MYO1E: variants seen among roughly 807,000 people sequenced by gnomAD.
The protein encoded by MYO1E is unconventional myosin-Ie.
Under a neutral mutation model 151.1 loss-of-function variants are expected in MYO1E, and 68 were observed. That is an observed-to-expected ratio of 0.45 (90% confidence interval 0.37 to 0.55). The LOEUF (loss-of-function observed/expected upper bound fraction) is 0.55. Among genes scored for constraint, MYO1E ranks in the 20% least tolerant of loss-of-function variants. The pLI, the probability that MYO1E is intolerant of heterozygous loss-of-function variation, is 0.00. For synonymous variants in MYO1E, 601 were observed against 501.7 expected (o/e 1.20, Z -2.64); for missense variants, 1,363 against 1,389.3 (o/e 0.98, Z 0.30).
intron 1 of MYO1E, among the ~76,000 whole-genome samples, chr15:59,357,228 T>C (rs2140438519): frequency 6.6e-6 from 1 of 151,714 alleles, no homozygotes; most frequent in Middle Eastern, 3.4e-3. Flanking sequence ...TTTAAAATAG[T>C]ATCATATACT....
At chr15:59,322,768 T>G (rs911185887) in intron 1 of MYO1E, among the ~76,000 whole-genome samples, 18 of 152,356 alleles carry the variant, frequency 1.2e-4, no homozygotes, top group African/African-American at 2.4e-4. Flanking sequence ...TTGTTTGTTT[T>G]TTTTCCATTT....
At chr15:59,351,197 C>A (rs995027018) in intron 1 of MYO1E, among the ~76,000 whole-genome samples, 40 of 151,792 alleles carry the variant, frequency 2.6e-4, no homozygotes, top group Non-Finnish European at 4.7e-4. Flanking sequence ...CCGCACCCGG[C>A]CTTACTTGGT....
At chr15:59,237,545 C>A (rs2080074148) in intron 4 of MYO1E, among the ~76,000 whole-genome samples, 1 of 152,126 alleles carries the variant, frequency 6.6e-6, no homozygotes, top group Non-Finnish European at 1.5e-5. Context: ...CTTTGTGTTA[C>A]CAGGATAGAA....
At chr15:59,286,099 C>T (rs532631511) in intron 1 of MYO1E, among the ~76,000 whole-genome samples, 193 of 152,268 alleles carry the variant, frequency 1.3e-3, no homozygotes, top group African/African-American at 4.4e-3. Context: ...TCACCCTGTA[C>T]CATGGAACAA....
intron 1 of MYO1E, among the ~76,000 whole-genome samples, chr15:59,298,841 T>A (rs1341766935): frequency 6.6e-6 from 1 of 152,226 alleles, no homozygotes; most frequent in Non-Finnish European, 1.5e-5. Context: ...TGCCCAACCT[T>A]TGATTCCCGC....
At position 59,173,940 on chromosome 15, in the gene MYO1E, T is replaced by C. The variant is rs761293477; in HGVS notation, c.2165-25A>G. On this transcript the variant is annotated intron_variant, in intron 20 of 27. Transcript: ENST00000288235. ...GCTACAATTCCCAAGAGGGTCAAGA[T>C]GGAAGAAGGATAAGTCAGTCAGAAA... 12 of 1,612,272 alleles carry C rather than the reference T, an allele frequency of 7.4e-6. No homozygotes were observed. In the East Asian group the frequency reaches 2.7e-4, roughly 36 times the overall value.
At chr15:59,311,426 T>G (rs568153066) in intron 1 of MYO1E, among the ~76,000 whole-genome samples, 5 of 152,088 alleles carry the variant, frequency 3.3e-5, no homozygotes, top group Non-Finnish European at 7.4e-5. Context: ...TGCTCACTCA[T>G]GCATGCTTAC....
chr15:59,232,850 A>C (rs1307084919), intron 5 of MYO1E, among the ~76,000 whole-genome samples: 1 of 152,202 alleles, frequency 6.6e-6, no homozygotes, highest in Non-Finnish European at 1.5e-5. Flanking sequence ...AAGTGTTACA[A>C]AGGGTGTAAC....
At chr15:59,174,815 C>G (rs1460713423) in intron 19 of MYO1E, among the ~76,000 whole-genome samples, 1 of 152,080 alleles carries the variant, frequency 6.6e-6, no homozygotes, top group Non-Finnish European at 1.5e-5. Flanking sequence ...ATAATAACCA[C>G]AGTGACTGGA....
chr15:59,324,213 A>G (rs1450009284), intron 1 of MYO1E, among the ~76,000 whole-genome samples: 1 of 152,194 alleles, frequency 6.6e-6, no homozygotes, highest in East Asian at 1.9e-4. Flanking sequence ...CCAGACTCCA[A>G]TTAATTCTAT....
intron 1 of MYO1E, among the ~76,000 whole-genome samples, chr15:59,310,762 T>C (rs1226017872): frequency 1.3e-5 from 2 of 152,112 alleles, no homozygotes; most frequent in Non-Finnish European, 2.9e-5. Flanking sequence ...ACCACCAAGA[T>C]GAAACAAGCC....
intron 6 of MYO1E, among the ~76,000 whole-genome samples, chr15:59,228,101 T>A (rs1160715553): frequency 3.3e-5 from 5 of 152,216 alleles, no homozygotes; most frequent in African/African-American, 1.2e-4. Context: ...GTCATTGTTA[T>A]GAAAATTCCT....
In MYO1E at chr15:59,209,662, C is replaced by T. The variant is rs558445496; in HGVS notation, c.1363-814G>A. ...CTGCACTCTAGCCTGGGCAACCGAG[C>T]GAGACGTCTCTCAAAATAAATAAAT... On this transcript the variant is annotated intron_variant, in intron 13 of 27. Transcript: ENST00000288235. 9.2e-5 allele frequency among the ~76,000 whole-genome samples: 14 copies of T among 151,424 alleles called. No individual in the cohort carries two copies. The South Asian group carries it at 2.5e-3, about 27-fold the overall frequency.
At chr15:59,246,193 C>T (rs2080128919) in intron 4 of MYO1E, among the ~76,000 whole-genome samples, 2 of 152,172 alleles carry the variant, frequency 1.3e-5, no homozygotes, top group African/African-American at 2.4e-5. Context: ...TCTTGGCTCA[C>T]TGCAACCTCT....
intron 4 of MYO1E, among the ~76,000 whole-genome samples, chr15:59,253,481 G>T (rs899842161): frequency 1.6e-5 from 2 of 126,910 alleles, no homozygotes; most frequent in Non-Finnish European, 3.2e-5. Flanking sequence ...GTCTGATCGA[G>T]TTTTTTTTTT....
At chr15:59,220,736 C>T (rs1285424343) in intron 9 of MYO1E, among the ~76,000 whole-genome samples, 1 of 151,390 alleles carries the variant, frequency 6.6e-6, no homozygotes, top group Non-Finnish European at 1.5e-5. Flanking sequence ...GATCAGAAAC[C>T]ATATTAATGT....
At chr15:59,252,108 A>C (rs543896198) in intron 4 of MYO1E, among the ~76,000 whole-genome samples, 2 of 152,318 alleles carry the variant, frequency 1.3e-5, no homozygotes, top group South Asian at 4.1e-4. Flanking sequence ...CAAAGAAATA[A>C]AAACTCTGAA....
chr15:59,254,176 T>G (rs2080181282), intron 4 of MYO1E, among the ~76,000 whole-genome samples: 1 of 152,146 alleles, frequency 6.6e-6, no homozygotes, highest in Non-Finnish European at 1.5e-5. Flanking sequence ...AAAGGGGATC[T>G]TTGGGTTTGC....
At chr15:59,227,900 C>A (rs1463531859) in intron 6 of MYO1E, among the ~76,000 whole-genome samples, 2 of 152,146 alleles carry the variant, frequency 1.3e-5, no homozygotes, top group Non-Finnish European at 2.9e-5. Context: ...AATCATGAGG[C>A]AGAAAAATGG....
Sources: gnomAD v4.1 joint callset for allele counts (sites outside exome capture counted in the v4.1 genomes callset) on GRCh38, gnomAD v4.1.1 for gene constraint, MANE v1.5 for transcripts, NCBI Gene and HGNC (gene_info 2026-07-23, HGNC 2026-07-21) for gene names.